Variants in WWC1 observed in about 807,000 individuals in gnomAD.
WWC1 encodes the protein protein KIBRA.
In WWC1, 55 loss-of-function variants were observed where a neutral mutation model predicts 138.4. The observed-to-expected ratio is 0.40, with a 90% CI of 0.32 to 0.50. WWC1 has a LOEUF of 0.50. Ranked by LOEUF, WWC1 falls within the 20% of genes least tolerant of loss-of-function variation. WWC1 has a pLI of 0.72. For synonymous variants in WWC1, 524 were observed against 564.9 expected, an observed-to-expected ratio of 0.93 and a Z score of 1.03; for missense variants, 1,226 against 1,420.4, an observed-to-expected ratio of 0.86 and a Z score of 2.20.
chr5:168,351,522 A>C (rs936244569), intron 1 of WWC1, among the ~76,000 whole-genome samples: 1 of 152,188 alleles, frequency 6.6e-6, no homozygotes. Context: ...GCAGGATACA[A>C]ATGAAAGTGC....
Position 168,378,977 on chromosome 5 carries a change from G to A in WWC1, c.230-6234G>A, listed in dbSNP as rs557267980. 1.9e-3 allele frequency among the ~76,000 whole-genome samples: 294 copies of A among 152,250 alleles called. 3 individuals are homozygous for A. Among genetic ancestry groups the A allele is most frequent in the African/African-American group, 6.7e-3 (280 of 41,540 alleles). ...CAAGTGTAGGAAGGGATGGGTGTAT[G>A]GAGAACTCATGAGTGTGCTGCCATG... On this transcript the variant is annotated intron_variant, in intron 2 of 22. Coordinates refer to ENST00000265293, the MANE Select transcript of WWC1 (RefSeq NM_015238.3).
intron 9 of WWC1, among the ~76,000 whole-genome samples, chr5:168,421,474 C>A (rs79955253): frequency 0.012 from 1,839 of 152,288 alleles, 30 homozygotes; most frequent in East Asian, 0.032. Context: ...TTGAGTATTT[C>A]TTTAATATCG....
At chr5:168,460,549 G>A (rs901107331) in intron 19 of WWC1, 101 bp from the exon 20 acceptor site, 1 of 1,048,982 alleles carries the variant, frequency 9.5e-7, no homozygotes, top group Non-Finnish European at 1.4e-6. Flanking sequence ...GGAGAGGAAG[G>A]ACTGTGCCGA....
intron 16 of WWC1, among the ~76,000 whole-genome samples, chr5:168,443,771 G>A (rs988573470): frequency 9.9e-5 from 15 of 152,108 alleles, no homozygotes; most frequent in African/African-American, 3.6e-4. Context: ...TCAGGCTCTG[G>A]CCCACACTAC....
At chr5:168,424,231 A>G (rs1290171846) in intron 11 of WWC1, among the ~76,000 whole-genome samples, 163 bp downstream of exon 11, 1 of 152,234 alleles carries the variant, frequency 6.6e-6, no homozygotes, top group African/African-American at 2.4e-5. Context: ...TTATTAACTC[A>G]GTATTTTTGA....
intron 17 of WWC1, among the ~76,000 whole-genome samples, chr5:168,449,570 C>CTTTTTTTTTTTTTTTTTTTTTTTTTTTT: frequency 2.2e-5 from 2 of 90,736 alleles, no homozygotes; most frequent in Non-Finnish European, 4.1e-5. Flanking sequence ...TTTAACAGCT[C>CTTTTTTTTTTTTTTTTTTTTTTTTTTTT]TTTTTTTTTT....
intron 1 of WWC1, among the ~76,000 whole-genome samples, chr5:168,348,607 A>G (rs951368401): frequency 1.3e-5 from 2 of 152,198 alleles, no homozygotes; most frequent in Non-Finnish European, 2.9e-5. Context: ...GGGTGCGGCC[A>G]TCACAAACAA....
At chr5:168,388,954 C>G (rs965338604) in intron 3 of WWC1, among the ~76,000 whole-genome samples, 3 of 151,978 alleles carry the variant, frequency 2.0e-5, no homozygotes, top group Admixed American at 6.6e-5. Context: ...TGTGAACCAC[C>G]CTAATGAGAG....
At chr5:168,326,492 C>A (rs187567313) in intron 1 of WWC1, among the ~76,000 whole-genome samples, 3 of 152,252 alleles carry the variant, frequency 2.0e-5, no homozygotes, top group Non-Finnish European at 4.4e-5. Context: ...GCTGGGATTA[C>A]AGGCATGAGC....
At chr5:168,339,568 C>A (rs1385669707) in intron 1 of WWC1, among the ~76,000 whole-genome samples, 2 of 152,122 alleles carry the variant, frequency 1.3e-5, no homozygotes, top group Non-Finnish European at 2.9e-5. Context: ...GAGTTACTTA[C>A]CCTCTGTAAG....
At chr5:168,390,980 G>T (rs1487887641) in intron 3 of WWC1, among the ~76,000 whole-genome samples, 1 of 152,202 alleles carries the variant, frequency 6.6e-6, no homozygotes, top group Non-Finnish European at 1.5e-5. Flanking sequence ...AAGAGGAAGT[G>T]GCTTCCCCAA....
At chr5:168,414,862 T>C (rs1780486196) in intron 9 of WWC1, 1 of 453,594 alleles carries the variant, frequency 2.2e-6, no homozygotes, top group South Asian at 3.2e-5. Flanking sequence ...TCTGACTCAA[T>C]TAAGCCACAT....
At chr5:168,427,950 C>G in intron 11 of WWC1, 83 bp from the exon 12 acceptor site, 1 of 1,163,958 alleles carries the variant, frequency 8.6e-7, no homozygotes, top group Non-Finnish European at 1.3e-6. Flanking sequence ...GAGTGAGACC[C>G]TGCCTCAAAA....
chr5:168,400,509 A>G (rs1439387273), intron 5 of WWC1, among the ~76,000 whole-genome samples: 1 of 152,054 alleles, frequency 6.6e-6, no homozygotes, highest in Non-Finnish European at 1.5e-5. Context: ...TTGAGCAGTT[A>G]CTCTGTGCCA....
chr5:168,395,885 C>T (rs1490761678), intron 3 of WWC1, among the ~76,000 whole-genome samples: 1 of 152,182 alleles, frequency 6.6e-6, no homozygotes, highest in African/African-American at 2.4e-5. Context: ...CCCAAACTTC[C>T]AAGTATTACA....
intron 1 of WWC1, among the ~76,000 whole-genome samples, chr5:168,348,013 G>A (rs1288153931): frequency 6.6e-6 from 1 of 152,190 alleles, no homozygotes; most frequent in Non-Finnish European, 1.5e-5. Flanking sequence ...GTGACTATTA[G>A]AGATTTCTGC....
chr5:168,364,953 C>T (rs775890390), intron 1 of WWC1, among the ~76,000 whole-genome samples: 18 of 152,192 alleles, frequency 1.2e-4, no homozygotes, highest in Non-Finnish European at 2.6e-4. Flanking sequence ...TGCTGTGTGT[C>T]ATGTGCTCAG....
At chr5:168,431,195 A>G in intron 14 of WWC1, 57 bp from the exon 15 acceptor site, 2 of 1,499,234 alleles carry the variant, frequency 1.3e-6, no homozygotes, top group Non-Finnish European at 9.1e-7. Context: ...TTAGTCCAAC[A>G]TTTTAGCCCC....
chr5:168,380,387 A>G (rs1777530802), intron 2 of WWC1, among the ~76,000 whole-genome samples: 1 of 152,134 alleles, frequency 6.6e-6, no homozygotes, highest in Admixed American at 6.5e-5. Context: ...CTGGAGGATC[A>G]CTTTAGCCCA....
Sources: allele counts gnomAD v4.1 joint callset (sites outside exome capture counted in the v4.1 genomes callset), GRCh38; gene constraint gnomAD v4.1.1; transcripts MANE v1.5; gene names NCBI Gene and HGNC (gene_info 2026-07-23, HGNC 2026-07-21).